TRMT10A: variants seen among roughly 807,000 people sequenced by gnomAD.
TRMT10A encodes the protein tRNA methyltransferase 10 homolog A.
In TRMT10A, 37 loss-of-function variants were observed where a neutral mutation model predicts 40.4. The observed-to-expected ratio is 0.92, with a 90% CI of 0.71 to 1.21. The LOEUF is 1.21. Ranked by LOEUF, TRMT10A falls within the 50% of genes most tolerant of loss-of-function variation. TRMT10A has a pLI of 0.00. For missense variants in TRMT10A, 388 were observed against 404.3 expected, an observed-to-expected ratio of 0.96 and a Z score of 0.35; for synonymous variants, 103 against 134.1, an observed-to-expected ratio of 0.77 and a Z score of 1.60.
At chr4:99,553,303 A>T (rs1724033349) in intron 6 of TRMT10A, among the ~76,000 whole-genome samples, 1 of 152,220 alleles carries the variant, frequency 6.6e-6, no homozygotes, top group South Asian at 2.1e-4. Context: ...GTAATTTTTC[A>T]TCCAAATAAA....
At chr4:99,560,715 A>G (rs11097668) in intron 1 of TRMT10A, among the ~76,000 whole-genome samples, 29,718 of 152,040 alleles carry the variant, frequency 0.2, 2,992 homozygotes, top group South Asian at 0.3. Flanking sequence ...GATCACTTTT[A>G]TTTTCCTTTC....
At chr4:99,563,155 G>A (rs17029137) in intron 1 of TRMT10A, among the ~76,000 whole-genome samples, 13,183 of 152,252 alleles carry the variant, frequency 0.087, 1,044 homozygotes, top group African/African-American at 0.19. Context: ...CGGACTAAAC[G>A]TGGAGGAGCG....
At chr4:99,563,492 C>A (rs772423297) in intron 1 of TRMT10A, 7 of 185,356 alleles carry the variant, frequency 3.8e-5, no homozygotes, top group Admixed American at 1.1e-4. Context: ...CACGAAGTGG[C>A]AGGGCCATAA....
intron 6 of TRMT10A, among the ~76,000 whole-genome samples, chr4:99,551,299 A>G (rs989035577): frequency 6.6e-6 from 1 of 152,282 alleles, no homozygotes; most frequent in African/African-American, 2.4e-5. Flanking sequence ...TCTGGCTCAC[A>G]TATCTCCTAA....
chr4:99,554,244 G>A (rs1724073001), intron 5 of TRMT10A, among the ~76,000 whole-genome samples: 1 of 151,966 alleles, frequency 6.6e-6, no homozygotes, highest in South Asian at 2.1e-4. Context: ...CTTTTTCTGT[G>A]GGATAAAATC....
chr4:99,555,012 C>T (rs1217082487), intron 5 of TRMT10A, among the ~76,000 whole-genome samples: 1 of 152,030 alleles, frequency 6.6e-6, no homozygotes, highest in Non-Finnish European at 1.5e-5. Flanking sequence ...TAATAAATAG[C>T]CAGTTTTCTG....
intron 1 of TRMT10A, among the ~76,000 whole-genome samples, chr4:99,561,528 G>A (rs1724395539): frequency 6.6e-6 from 1 of 152,040 alleles, no homozygotes; most frequent in Non-Finnish European, 1.5e-5. Context: ...AATAAGCCAG[G>A]TGCACTGAGA....
chr4:99,557,489 G>A, intron 3 of TRMT10A, 73 bp from the exon 4 acceptor site: 1 of 1,328,256 alleles, frequency 7.5e-7, no homozygotes, highest in East Asian at 2.4e-5. Context: ...TTAAAGGAAT[G>A]GAATAAGCAG....
intron 6 of TRMT10A, among the ~76,000 whole-genome samples, chr4:99,552,859 A>G (rs1675142296): frequency 6.6e-6 from 1 of 151,934 alleles, no homozygotes; most frequent in Non-Finnish European, 1.5e-5. Context: ...GAAAAGCTCA[A>G]TTTGTCAACT....
chr4:99,554,693 C>G (rs1384136868), intron 5 of TRMT10A, among the ~76,000 whole-genome samples: 2 of 136,380 alleles, frequency 1.5e-5, no homozygotes, highest in Admixed American at 8.3e-5. Flanking sequence ...TGCACTCCAG[C>G]CTGGGTGACA....
At position 99,557,434 on chromosome 4, in the gene TRMT10A, T is replaced by A. The variant is rs1724208313; in HGVS notation, c.349-18A>T. 4 of 1,609,912 alleles carry A rather than the reference T, an allele frequency of 2.5e-6. No individual in the cohort carries two copies. The highest frequency in any genetic ancestry group is 3.4e-6 in the Non-Finnish European group (4 of 1,177,844). ...TTAATGTCCTATCACAGAGTTCAATTTTTAAAGCAAAGTTATTAAAATTGT... is the reference window on the plus strand; with the variant it reads ...TTAATGTCCTATCACAGAGTTCAATATTTAAAGCAAAGTTATTAAAATTGT... On this transcript the variant is annotated intron_variant, in intron 3 of 7. Transcript: ENST00000394876.
At chr4:99,562,521 T>TTTC (rs940512155) in intron 1 of TRMT10A, among the ~76,000 whole-genome samples, 6 of 112,852 alleles carry the variant, frequency 5.3e-5, no homozygotes, top group Non-Finnish European at 8.7e-5. Flanking sequence ...ATGCCTTTTT[T>TTTC]TTTTTTTTTT....
chr4:99,553,096 T>C (rs1724026378), intron 6 of TRMT10A, among the ~76,000 whole-genome samples: 1 of 152,176 alleles, frequency 6.6e-6, no homozygotes, highest in African/African-American at 2.4e-5. Flanking sequence ...ACTGTCCAAT[T>C]GGTAGCCATG....
Position 99,548,170 on chromosome 4 carries a change from A to G in TRMT10A, c.*918T>C, listed in dbSNP as rs1723808825. The G allele has an allele frequency of 6.7e-6, 1 of 150,048 alleles. No individual in the cohort carries two copies. The highest frequency in any genetic ancestry group is 2.5e-5 in the African/African-American group (1 of 40,694). The allele number at this position is 150,048 out of a possible 1,614,324, so 9.3% of individuals were successfully genotyped here. On this transcript the variant is annotated 3_prime_UTR_variant, in exon 8 of 8. Coordinates refer to ENST00000394876, the MANE Select transcript of TRMT10A (RefSeq NM_001134665.3). ...TGAGGATAGTTATGTATTTACATGC[A>G]TATTATCACATGTGTATTTGATTTA...
At chr4:99,556,354 A>C (rs1019018743) in intron 4 of TRMT10A, 134 bp from the exon 5 acceptor site, 9 of 790,206 alleles carry the variant, frequency 1.1e-5, no homozygotes, top group African/African-American at 1.1e-4. Flanking sequence ...TAGAAAAAAA[A>C]TTTGTGACAT....
At chr4:99,549,830 T>C (rs1723893496) in intron 7 of TRMT10A, among the ~76,000 whole-genome samples, 1 of 152,230 alleles carries the variant, frequency 6.6e-6, no homozygotes, top group African/African-American at 2.4e-5. Flanking sequence ...CAGGGTACTC[T>C]CACATCAGCA....
intron 6 of TRMT10A, among the ~76,000 whole-genome samples, chr4:99,552,449 C>CTCCTAGCAATAGGCTG (rs1724000202): frequency 6.6e-6 from 1 of 152,134 alleles, no homozygotes; most frequent in Admixed American, 6.5e-5. Context: ...GAGCAATAGG[C>CTCCTAGCAATAGGCTG]TATGCCATAC....
intron 1 of TRMT10A, among the ~76,000 whole-genome samples, chr4:99,562,713 G>A (rs13126812): frequency 6.6e-6 from 1 of 151,804 alleles, no homozygotes. Flanking sequence ...TTTTAGTAGA[G>A]ACGGGGTTTC....
intron 5 of TRMT10A, among the ~76,000 whole-genome samples, chr4:99,555,917 T>C (rs918251016): frequency 1.3e-5 from 2 of 152,176 alleles, no homozygotes; most frequent in Non-Finnish European, 2.9e-5. Context: ...AAATACGTTT[T>C]AAAAGTTGAC....
Sources: gnomAD v4.1 joint callset for allele counts (sites outside exome capture counted in the v4.1 genomes callset) on GRCh38, gnomAD v4.1.1 for gene constraint, MANE v1.5 for transcripts, NCBI Gene and HGNC (gene_info 2026-07-23, HGNC 2026-07-21) for gene names.